Variants in FOXO3 observed in about 807,000 individuals in gnomAD.
FOXO3 encodes the protein forkhead box protein O3.
In FOXO3, 4 loss-of-function variants were observed where a neutral mutation model predicts 41.9. That is an observed-to-expected ratio of 0.10 (90% CI 0.05 to 0.22). The LOEUF is 0.22. Among genes scored for constraint, FOXO3 ranks in the 10% least tolerant of loss-of-function variants. FOXO3 has a pLI of 1.00. For missense variants in FOXO3, 534 were observed against 906.8 expected (o/e 0.59, Z 5.28); for synonymous variants, 318 against 389.3 (o/e 0.82, Z 2.16).
intron 2 of FOXO3, among the ~76,000 whole-genome samples, chr6:108,668,815 G>A (rs552312205): frequency 4.6e-5 from 7 of 152,108 alleles, no homozygotes; most frequent in Non-Finnish European, 1.0e-4. Context: ...AGTTTTAAAG[G>A]TGCATAGTAT....
chr6:108,611,058 A>G (rs965617174), intron 1 of FOXO3, among the ~76,000 whole-genome samples: 3 of 151,842 alleles, frequency 2.0e-5, no homozygotes, highest in Non-Finnish European at 2.9e-5. Flanking sequence ...CTGCTGAGCT[A>G]CTTTTTGCCT....
chr6:108,593,348 A>G (rs1371584134), intron 1 of FOXO3, among the ~76,000 whole-genome samples: 1 of 152,212 alleles, frequency 6.6e-6, no homozygotes, highest in African/African-American at 2.4e-5. Flanking sequence ...TGGGAGAAGG[A>G]AAAGTAAATA....
At chr6:108,637,248 A>G (rs925461727) in intron 1 of FOXO3, among the ~76,000 whole-genome samples, 88 of 152,268 alleles carry the variant, frequency 5.8e-4, no homozygotes, top group African/African-American at 2.0e-3. Flanking sequence ...ATTGCGTTAC[A>G]TTTAAGTTTG....
intron 2 of FOXO3, among the ~76,000 whole-genome samples, chr6:108,675,642 A>G (rs925213999): frequency 6.6e-6 from 1 of 152,242 alleles, no homozygotes; most frequent in Non-Finnish European, 1.5e-5. Context: ...CTTTTTAAAG[A>G]GTGAGGAAAG....
intron 1 of FOXO3, among the ~76,000 whole-genome samples, chr6:108,649,194 A>G (rs1200299361): frequency 6.6e-6 from 1 of 151,992 alleles, no homozygotes; most frequent in East Asian, 1.9e-4. Flanking sequence ...TGACATAGAT[A>G]GGCCCAGGTT....
At chr6:108,572,537 A>G (rs1335290855) in intron 1 of FOXO3, among the ~76,000 whole-genome samples, 1 of 152,216 alleles carries the variant, frequency 6.6e-6, no homozygotes, top group Non-Finnish European at 1.5e-5. Flanking sequence ...GTAGCAGTAG[A>G]TATCTTGTAG....
intron 1 of FOXO3, among the ~76,000 whole-genome samples, chr6:108,575,389 AAAAG>A (rs199811219): frequency 0.028 from 4,260 of 150,750 alleles, 188 homozygotes; most frequent in African/African-American, 0.098. Flanking sequence ...AAAAAAAAAA[AAAAG>A]AAAAGAAAAA....
At chr6:108,617,448 A>G (rs891952255) in intron 1 of FOXO3, among the ~76,000 whole-genome samples, 3 of 152,186 alleles carry the variant, frequency 2.0e-5, no homozygotes, top group African/African-American at 7.2e-5. Flanking sequence ...CTTGACTTAA[A>G]GAGAAAACTA....
At chr6:108,650,761 G>GT (rs1464970982) in intron 1 of FOXO3, among the ~76,000 whole-genome samples, 1 of 152,144 alleles carries the variant, frequency 6.6e-6, no homozygotes, top group Non-Finnish European at 1.5e-5. Flanking sequence ...CTCAGTGAAT[G>GT]TTTTTTCAGA....
At chr6:108,581,433 G>A (rs528824112) in intron 1 of FOXO3, among the ~76,000 whole-genome samples, 1 of 152,232 alleles carries the variant, frequency 6.6e-6, no homozygotes, top group South Asian at 2.1e-4. Context: ...GTTTGGAAGA[G>A]TTAAGCCGTT....
intron 1 of FOXO3, among the ~76,000 whole-genome samples, chr6:108,658,798 A>G (rs1778763958): frequency 6.6e-6 from 1 of 152,252 alleles, no homozygotes; most frequent in Non-Finnish European, 1.5e-5. Flanking sequence ...AAGAAAGACA[A>G]GTAAGTCCTA....
At position 108,674,604 on chromosome 6, in the gene FOXO3, G is replaced by A. The variant is rs111536733; in HGVS notation, c.*35-5223G>A. On this transcript the variant is annotated intron_variant, in intron 2 of 2. Coordinates refer to ENST00000406360, the MANE Select transcript of FOXO3 (RefSeq NM_001455.4). ...ACTTAAGAATTGAGTCAAGGATAGC[G>A]TAGGGAAGGTGGGGCTGCAGGAGCC... is the stretch of plus-strand genomic sequence containing the variant. 7.3e-4 allele frequency among the ~76,000 whole-genome samples: 111 copies of A among 152,292 alleles called. 1 individual carries two copies. Among genetic ancestry groups the A allele is most frequent in the African/African-American group, 2.4e-3 (99 of 41,570 alleles).
At chr6:108,634,830 CA>C (rs980333218) in intron 1 of FOXO3, among the ~76,000 whole-genome samples, 24 of 151,402 alleles carry the variant, frequency 1.6e-4, no homozygotes, top group Admixed American at 6.6e-4. Flanking sequence ...TAAAGTTAAG[CA>C]AAAAATGCAA....
chr6:108,583,793 T>C (rs1328648631), intron 1 of FOXO3, among the ~76,000 whole-genome samples: 2 of 152,238 alleles, frequency 1.3e-5, no homozygotes, highest in East Asian at 1.9e-4. Context: ...CATTGCCGAT[T>C]ATTGAAAGGT....
At chr6:108,619,104 C>G (rs1260730062) in intron 1 of FOXO3, among the ~76,000 whole-genome samples, 1 of 152,136 alleles carries the variant, frequency 6.6e-6, no homozygotes, top group Non-Finnish European at 1.5e-5. Flanking sequence ...TCTAGTTGTT[C>G]CTCTATCATA....
In FOXO3 at chr6:108,611,696, CT is replaced by C. The variant is rs780238724; in HGVS notation, c.621+49881del. Among the ~76,000 whole-genome samples, 495 of 125,160 alleles carry C rather than the reference CT, an allele frequency of 4.0e-3. 1 individual carries two copies. Among genetic ancestry groups the C allele is most frequent in the Admixed American group, 4.7e-3 (60 of 12,838 alleles). 82.1% of individuals were successfully genotyped at this position (125,160 alleles called of 152,430 possible). A position where few individuals can be genotyped will look rare whatever the true frequency, so the allele number is the denominator to read the frequency against. On this transcript the variant is annotated intron_variant, in intron 1 of 2. Coordinates refer to ENST00000406360, the MANE Select transcript of FOXO3 (RefSeq NM_001455.4). ...TGACGTGTCTATTGAAATCTTTTGC[CT>C]TTTTTTTTTTTTTAAAGGATTGTAT...
At chr6:108,642,105 T>TG (rs1778276436) in intron 1 of FOXO3, among the ~76,000 whole-genome samples, 1 of 151,302 alleles carries the variant, frequency 6.6e-6, no homozygotes, top group African/African-American at 2.4e-5. Context: ...TTTTTTTTTT[T>TG]TGAGACAGGG....
At chr6:108,568,905 G>A (rs1006894486) in intron 1 of FOXO3, among the ~76,000 whole-genome samples, 11 of 152,086 alleles carry the variant, frequency 7.2e-5, no homozygotes, top group Non-Finnish European at 1.3e-4. Context: ...ACTGAAGGAA[G>A]CCTGATCTTG....
In FOXO3 at chr6:108,669,019, A is replaced by G. The variant is rs552740835; in HGVS notation, c.*34+4130A>G. 4.1e-3 allele frequency among the ~76,000 whole-genome samples: 618 copies of G among 152,288 alleles called. 3 individuals are homozygous for G. The highest frequency in any genetic ancestry group is 0.014 in the African/African-American group (598 of 41,560). On this transcript the variant is annotated intron_variant, in intron 2 of 2. Coordinates refer to ENST00000406360, the MANE Select transcript of FOXO3 (RefSeq NM_001455.4). ...CCCAGCTACTCGGAGAGGCTGAGGCAGGAGAATGGCGTGAACCCAGGAGGC... is the reference window on the plus strand; with the variant it reads ...CCCAGCTACTCGGAGAGGCTGAGGCGGGAGAATGGCGTGAACCCAGGAGGC...
Sources: gnomAD v4.1 joint callset for allele counts (sites outside exome capture counted in the v4.1 genomes callset) on GRCh38, gnomAD v4.1.1 for gene constraint, MANE v1.5 for transcripts, NCBI Gene and HGNC (gene_info 2026-07-23, HGNC 2026-07-21) for gene names.